Variants in SCAF1 observed in about 807,000 individuals in gnomAD.
SCAF1 encodes SR-related CTD associated factor 1.
Under a neutral mutation model 91.2 loss-of-function variants are expected in SCAF1, and 28 were observed. That is an observed-to-expected ratio of 0.31 (90% CI 0.23 to 0.42). The LOEUF is 0.42. SCAF1 is among the 10% of genes least tolerant of loss of function. The pLI is 1.00. For missense variants in SCAF1, 1,893 were observed against 1,872.1 expected (o/e 1.01, Z -0.21); for synonymous variants, 1,036 against 833.7 (o/e 1.24, Z -4.18).
chr19:49,648,421 T>A (rs925726147), intron 6 of SCAF1, among the ~76,000 whole-genome samples: 1 of 152,054 alleles, frequency 6.6e-6, no homozygotes, highest in Non-Finnish European at 1.5e-5. Flanking sequence ...CTTTATTTTT[T>A]ATTTTTTTAA....
chr19:49,641,144 T>C (rs757768632), upstream of SCAF1, among the ~76,000 whole-genome samples: 2 of 152,022 alleles, frequency 1.3e-5, no homozygotes, highest in Non-Finnish European at 2.9e-5. Flanking sequence ...AGACCAGGAC[T>C]AGTCTGGGAG....
At chr19:49,657,705 C>T in intron 9 of SCAF1, 56 bp from the exon 10 acceptor site, 3 of 1,547,988 alleles carry the variant, frequency 1.9e-6, no homozygotes, top group Non-Finnish European at 2.6e-6. Flanking sequence ...GGTGGAGGTT[C>T]CGCAGGTACT....
At chr19:49,650,824 G>A in intron 6 of SCAF1, 44 bp from the exon 7 acceptor site, 1 of 1,503,144 alleles carries the variant, frequency 6.7e-7, no homozygotes, top group Admixed American at 1.8e-5. Context: ...CACCAGGAGG[G>A]AGGCAAAGGC....
In SCAF1 at chr19:49,646,115, T is replaced by C; in HGVS notation, c.174T>C (p.Ser58=). ...ATGCAAATCTCTCACCAGATGGCTC[T>C]CGGTGTCATGGCCTTCGATGGCGGC... is the stretch of plus-strand genomic sequence containing the variant. ...QGDLPNDKDG[S]RCHGLRWRRC... Residue 58 remains serine (S), a synonymous_variant, in exon 4 of 11, where the codon TCT becomes TCC. Coordinates refer to ENST00000360565, the MANE Select transcript of SCAF1 (RefSeq NM_021228.3). This position sits in a 1 kb window ranked among gnomAD's most constrained non-coding sequence, Gnocchi z 5.6. 1 of 1,612,044 alleles carries C rather than the reference T, an allele frequency of 6.2e-7. No individual in the cohort carries two copies. The highest frequency in any genetic ancestry group is 2.2e-5 in the East Asian group (1 of 44,882).
At position 49,646,132 on chromosome 19, in the gene SCAF1, G is replaced by A. The variant is rs780587677; in HGVS notation, c.191G>A (p.Arg64Gln). ...DKDGSRCHGL[R>Q]WRRCRSPRSE... ...GATGGCTCTCGGTGTCATGGCCTTC[G>A]ATGGCGGCGCTGCCGGAGTCCACGG... Residue 64 changes from arginine to glutamine, a missense_variant, in exon 4 of 11, where the codon CGA becomes CAA. This residue lies in a region of SCAF1 where 270 missense variants were observed against 292.5 expected (regional missense o/e 0.92). Transcript: ENST00000360565. This position sits in a 1 kb window ranked among gnomAD's most constrained non-coding sequence, Gnocchi z 5.6. 19 of 1,611,856 alleles carry A rather than the reference G, an allele frequency of 1.2e-5. No homozygotes were observed. The highest frequency in any genetic ancestry group is 5.5e-5 in the South Asian group (5 of 91,032).
Position 49,652,533 on chromosome 19 carries a change from C to T in SCAF1, c.2144C>T (p.Pro715Leu). The stretch of plus-strand genomic sequence containing the variant: ...GTGGGCCGGCTTGACAAGTCCGACC[C>T]CCGAGGACCCTCTCCTGCTCCGGCC... ...ITVGRLDKSD[P>L]RGPSPAPASS... Residue 715 changes from proline (P) to leucine (L), a missense_variant, in exon 7 of 11, where the codon CCC (proline) becomes CTC (leucine). Physicochemically the swap from Pro to Leu is moderately conservative, Grantham distance 98. Coordinates refer to ENST00000360565, the MANE Select transcript of SCAF1 (RefSeq NM_021228.3). 6.4e-7 allele frequency: 1 copy of T among 1,571,518 alleles called. No individual in the cohort carries two copies. Among genetic ancestry groups the T allele is most frequent in the East Asian group, 2.3e-5 (1 of 43,664 alleles).
intron 6 of SCAF1, among the ~76,000 whole-genome samples, chr19:49,647,085 G>A (rs2081060170): frequency 6.6e-6 from 1 of 152,220 alleles, no homozygotes. Flanking sequence ...CACTGCACTG[G>A]GCGTTCATCT....
chr19:49,653,353 C>T lies in SCAF1; in HGVS notation c.2964C>T (p.Leu988=). 1.3e-6 allele frequency: 2 copies of T among 1,485,846 alleles called. No homozygotes were observed. The highest frequency in any genetic ancestry group is 1.8e-6 in the Non-Finnish European group (2 of 1,116,082). 92.0% of individuals were successfully genotyped at this position (1,485,846 alleles called of 1,614,324 possible). ...PPKAAPPPPA[L]TPDSQTVDSS... ...AGGCAGCCCCACCACCCCCTGCCCT[C>T]ACTCCGGACTCGCAGACCGTGGACA... is the stretch of plus-strand genomic sequence containing the variant. The change falls in exon 7 of 11, where the codon CTC becomes CTT. Residue 988 remains leucine, a synonymous_variant. Transcript: ENST00000360565.
intron 8 of SCAF1, 108 bp from the exon 9 acceptor site, chr19:49,654,544 A>G: frequency 7.4e-7 from 1 of 1,352,210 alleles, no homozygotes. Context: ...CCTGAAGAGG[A>G]GCCTGTTGCC....
At chr19:49,650,750 C>T (rs1209902770) in intron 6 of SCAF1, 118 bp from the exon 7 acceptor site, 1 of 730,566 alleles carries the variant, frequency 1.4e-6, no homozygotes, top group Non-Finnish European at 2.3e-6. Flanking sequence ...CTGTGAAGCA[C>T]TTGGGGCTTC....
rs529682006 is a variant in SCAF1 at position 49,642,869 on chromosome 19, G to A, written c.-7+627G>A. On this transcript the variant is annotated intron_variant, in intron 1 of 10. Coordinates refer to ENST00000360565, the MANE Select transcript of SCAF1 (RefSeq NM_021228.3). The surrounding 1 kb of genome is among the most constrained non-coding windows in gnomAD (Gnocchi z 4.0). The stretch of plus-strand genomic sequence containing the variant: ...TGGGTTATGCCCACCAGGGAAGGGC[G>A]CCAAATATTGAGATGTACTGAGGGT... Among the ~76,000 whole-genome samples, 148 of 152,284 alleles carry A rather than the reference G, an allele frequency of 9.7e-4. No homozygotes were observed. The highest frequency in any genetic ancestry group is 1.8e-3 in the Non-Finnish European group (125 of 68,006).
In SCAF1 at chr19:49,645,807, A is replaced by G. The variant is rs1316434348; in HGVS notation, c.167-301A>G. On this transcript the variant is annotated intron_variant, in intron 3 of 10. Transcript: ENST00000360565. This position sits in a 1 kb window ranked among gnomAD's most constrained non-coding sequence, Gnocchi z 4.6. ...TGCGCTGGGCTTCCTTGGGGCTGGCATGCAGGAGGGTGTGAGTGGGGTTGG... is the reference window on the plus strand; with the variant it reads ...TGCGCTGGGCTTCCTTGGGGCTGGCGTGCAGGAGGGTGTGAGTGGGGTTGG... Among the ~76,000 whole-genome samples, 1 of 152,134 alleles carries G rather than the reference A, an allele frequency of 6.6e-6. No individual in the cohort carries two copies. The highest frequency in any genetic ancestry group is 1.5e-5 in the Non-Finnish European group (1 of 67,996).
rs903370985 is a variant in SCAF1 at position 49,653,645 on chromosome 19, C to T, written c.3256C>T (p.Pro1086Ser). Reference sequence around the variant, plus strand: ...TGTCTCCCAGCTGCCCACGTTGCCCCCGCCCATGCCCTGGAATCTGCCAGC... The same window carrying T: ...TGTCTCCCAGCTGCCCACGTTGCCCTCGCCCATGCCCTGGAATCTGCCAGC... ...SRVSQLPTLP[P>S]PMPWNLPAGV... Residue 1086 changes from proline to serine, a missense_variant, in exon 7 of 11, where the codon CCG becomes TCG. Pro to Ser is a moderately conservative substitution (Grantham distance 74). Transcript: ENST00000360565. 2.5e-6 allele frequency: 4 copies of T among 1,586,924 alleles called. No individual in the cohort carries two copies. The highest frequency in any genetic ancestry group is 2.3e-5 in the South Asian group (2 of 88,176).
At chr19:49,641,059 G>A (rs1212784892), upstream of SCAF1, among the ~76,000 whole-genome samples, 3 of 152,112 alleles carry the variant, frequency 2.0e-5, no homozygotes, top group Non-Finnish European at 4.4e-5. Context: ...GAATTGGAGA[G>A]GCTGGGGACC....
In SCAF1 at chr19:49,651,915, C is replaced by T; in HGVS notation, c.1526C>T (p.Ala509Val). ...PSPAPAPAPA[A>V]AAGPPTRKKS... ...CCGGCGCCCGCGCCCGCCCCGGCCG[C>T]CGCTGCTGGTCCGCCCACGCGCAAG... Residue 509 changes from alanine to valine, a missense_variant, in exon 7 of 11, where the codon GCC becomes GTC. Physicochemically the swap from Ala to Val is moderately conservative, Grantham distance 64. Around this residue, in one of 5 missense-constraint regions of SCAF1, gnomAD observed 1,436 missense variants for 1,306.8 expected, o/e 1.10. Coordinates refer to ENST00000360565, the MANE Select transcript of SCAF1 (RefSeq NM_021228.3). The T allele has an allele frequency of 8.7e-7, 1 of 1,155,160 alleles. No individual in the cohort carries two copies. Among genetic ancestry groups the T allele is most frequent in the Non-Finnish European group, 1.1e-6 (1 of 934,842 alleles). 71.6% of individuals were successfully genotyped at this position (1,155,160 alleles called of 1,614,324 possible). A position where few individuals can be genotyped will look rare whatever the true frequency, so the allele number is the denominator to read the frequency against.
At chr19:49,642,011 G>A (rs892068072), upstream of SCAF1, 1 of 152,288 alleles carries the variant, frequency 6.6e-6, no homozygotes, top group African/African-American at 2.4e-5. The surrounding 1 kb of genome is among the most constrained non-coding windows in gnomAD (Gnocchi z 4.0). Flanking sequence ...GCGGTGCGCG[G>A]ACTACGCCTC....
In SCAF1 at chr19:49,646,261, G is replaced by A. The variant is rs2081054614; in HGVS notation, c.261+59G>A. 6.5e-6 allele frequency: 9 copies of A among 1,394,240 alleles called. No individual in the cohort carries two copies. The highest frequency in any genetic ancestry group is 8.9e-6 in the Non-Finnish European group (9 of 1,014,306). 86.4% of individuals were successfully genotyped at this position (1,394,240 alleles called of 1,614,324 possible). On this transcript the variant is annotated intron_variant, in intron 4 of 10. Coordinates refer to ENST00000360565, the MANE Select transcript of SCAF1 (RefSeq NM_021228.3). This position sits in a 1 kb window ranked among gnomAD's most constrained non-coding sequence, Gnocchi z 5.6. ...ACGGGTATCAGGGAGGAAGGGATGGGGGCCTGAGTCTGGGGGAATGGGGTT... is the reference window on the plus strand; with the variant it reads ...ACGGGTATCAGGGAGGAAGGGATGGAGGCCTGAGTCTGGGGGAATGGGGTT...
chr19:49,640,617 G>A (rs887830704), upstream of SCAF1, among the ~76,000 whole-genome samples: 6 of 152,072 alleles, frequency 3.9e-5, no homozygotes, highest in African/African-American at 1.4e-4. Flanking sequence ...CCTCCCTCCT[G>A]GGATCCTAGC....
chr19:49,650,398 C>A (rs765955490), intron 6 of SCAF1, among the ~76,000 whole-genome samples: 6 of 152,194 alleles, frequency 3.9e-5, no homozygotes, highest in Non-Finnish European at 5.9e-5. Flanking sequence ...AGCTCTCCCC[C>A]TGCAGCCTGT....
Sources: allele counts gnomAD v4.1 joint callset (sites outside exome capture counted in the v4.1 genomes callset), GRCh38; gene constraint gnomAD v4.1.1; regional missense constraint gnomAD v4.1.1; non-coding constraint Gnocchi (gnomAD v3.1); transcripts MANE v1.5; gene names NCBI Gene and HGNC (gene_info 2026-07-23, HGNC 2026-07-21).